Variants in APOL2 observed in about 807,000 individuals in gnomAD.
APOL2 encodes apolipoprotein L, 2.
In APOL2, 8 loss-of-function variants were observed where a neutral mutation model predicts 7.1. That is an observed-to-expected ratio of 1.12 (90% CI 0.66 to 2.03). The LOEUF (loss-of-function observed/expected upper bound fraction) is 2.03. APOL2 is among the 30% of genes most tolerant of loss of function. The pLI is 0.00. For synonymous variants in APOL2, 177 were observed against 159.9 expected, an observed-to-expected ratio of 1.11 and a Z score of -0.81; for missense variants, 471 against 415.1, an observed-to-expected ratio of 1.13 and a Z score of -1.17.
At chr22:36,237,235 C>T (rs769186523) in intron 1 of APOL2, 19 of 1,370,000 alleles carry the variant, frequency 1.4e-5, no homozygotes, top group Admixed American at 3.3e-5. Context: ...TGGTCAATTC[C>T]GGTGTCCAAC....
intron 1 of APOL2, chr22:36,237,489 G>T: frequency 1.4e-6 from 1 of 689,742 alleles, no homozygotes; most frequent in Non-Finnish European, 1.8e-6. Context: ...GCTTGCTGTA[G>T]CCTAGAGCCC....
At chr22:36,232,804 C>A (rs1004567001) in intron 3 of APOL2, among the ~76,000 whole-genome samples, 2 of 152,046 alleles carry the variant, frequency 1.3e-5, no homozygotes, top group African/African-American at 4.8e-5. Flanking sequence ...TGCAGGTCAA[C>A]CTCCTCTCCC....
intron 2 of APOL2, 31 bp downstream of exon 2, chr22:36,233,371 G>A: frequency 6.4e-7 from 1 of 1,557,520 alleles, no homozygotes; most frequent in Non-Finnish European, 8.7e-7. Context: ...ATCTCCTGGG[G>A]CCCTGCCAGC....
chr22:36,235,046 G>C (rs2015351718), intron 1 of APOL2, among the ~76,000 whole-genome samples: 1 of 152,236 alleles, frequency 6.6e-6, no homozygotes, highest in Non-Finnish European at 1.5e-5. Flanking sequence ...ACTGAATAAA[G>C]AGGGGTGAAG....
chr22:36,234,069 C>T (rs2015321712), intron 1 of APOL2, among the ~76,000 whole-genome samples: 1 of 152,192 alleles, frequency 6.6e-6, no homozygotes, highest in South Asian at 2.1e-4. Context: ...TGCTGTCCTC[C>T]CCTAGCTGAT....
intron 1 of APOL2, among the ~76,000 whole-genome samples, chr22:36,237,598 G>A (rs1304173535): frequency 1.4e-5 from 2 of 146,604 alleles, no homozygotes; most frequent in African/African-American, 5.4e-5. Context: ...TCATTTCAGA[G>A]AGACAGCATC....
At chr22:36,230,727 A>G (rs1280364891) in intron 4 of APOL2, among the ~76,000 whole-genome samples, 2 of 152,052 alleles carry the variant, frequency 1.3e-5, no homozygotes. Context: ...CCAAGTCTCC[A>G]TGACATAAGC....
At chr22:36,228,443 T>G (rs924840477) in intron 4 of APOL2, among the ~76,000 whole-genome samples, 163 bp from the exon 5 acceptor site, 2 of 152,244 alleles carry the variant, frequency 1.3e-5, no homozygotes. Context: ...CAAACACATT[T>G]TGTTCATCAT....
At chr22:36,236,967 G>T in intron 1 of APOL2, 1 of 1,361,430 alleles carries the variant, frequency 7.3e-7, no homozygotes, top group South Asian at 1.8e-5. Context: ...TAGGCCAGGG[G>T]AGCTGTCTCA....
At chr22:36,231,780 C>T (rs1318584961) in intron 3 of APOL2, among the ~76,000 whole-genome samples, 1 of 152,162 alleles carries the variant, frequency 6.6e-6, no homozygotes, top group Non-Finnish European at 1.5e-5. Context: ...AACAATAAGG[C>T]CAGGTAAGCA....
intron 4 of APOL2, among the ~76,000 whole-genome samples, chr22:36,230,832 C>T (rs1283460410): frequency 6.6e-6 from 1 of 152,130 alleles, no homozygotes; most frequent in Non-Finnish European, 1.5e-5. Flanking sequence ...AAGGCCCCAG[C>T]CAGCATCCCC....
chr22:36,227,497 AG>A lies in APOL2; in HGVS notation c.920del (p.Ala307ValfsTer4). On this transcript the variant is annotated frameshift_variant, in exon 5 of 5. Transcript: ENST00000358502. LOFTEE classifies it low-confidence loss of function (END_TRUNC). ...HLLEGAKSES[A>X]EELKKRAQEL... ...CCTGAGCCCGCTTCTTCAGCTCCTC[AG>A]CTGACTCTGACTTTGCCCCCTCAAG... 6.2e-7 allele frequency: 1 copy of A among 1,614,082 alleles called. No individual in the cohort carries two copies. The highest frequency in any genetic ancestry group is 8.5e-7 in the Non-Finnish European group (1 of 1,180,000).
chr22:36,231,465 C>T lies in APOL2; in HGVS notation c.12G>A (p.Glu4=). The change falls in exon 4 of 5, where the codon GAG becomes GAA. Residue 4 remains glutamate (E), a splice_region_variant and synonymous_variant. Transcript: ENST00000358502. MNP[E]SSIFIEDYLK... ...GGTAATCCTCAATAAAGATACTGCT[C>T]TCTAGTTGGAAAGAAGAAAGGATAA... 2 of 1,608,120 alleles carry T rather than the reference C, an allele frequency of 1.2e-6. No individual in the cohort carries two copies. The highest frequency in any genetic ancestry group is 1.1e-5 in the South Asian group (1 of 90,922).
intron 1 of APOL2, chr22:36,236,804 G>T: frequency 1.8e-6 from 2 of 1,117,164 alleles, no homozygotes; most frequent in Non-Finnish European, 2.2e-6. Flanking sequence ...GGGCCCCTAC[G>T]CAGCAAGACT....
At chr22:36,229,363 T>C (rs1388524006) in intron 4 of APOL2, among the ~76,000 whole-genome samples, 2 of 149,614 alleles carry the variant, frequency 1.3e-5, no homozygotes, top group African/African-American at 5.0e-5. Flanking sequence ...CTCCCTCCCC[T>C]GTAACAACAA....
At chr22:36,229,251 C>G (rs994141480) in intron 4 of APOL2, among the ~76,000 whole-genome samples, 42 of 152,310 alleles carry the variant, frequency 2.8e-4, no homozygotes, top group African/African-American at 8.2e-4. Context: ...AGGAACCCCC[C>G]ACTCTGGCGT....
intron 1 of APOL2, chr22:36,237,068 A>T: frequency 6.6e-7 from 1 of 1,524,322 alleles, no homozygotes; most frequent in Non-Finnish European, 8.8e-7. Flanking sequence ...GACCTGCCCA[A>T]TACTTGTGAG....
At chr22:36,232,383 T>C (rs563432482) in intron 3 of APOL2, among the ~76,000 whole-genome samples, 1 of 152,216 alleles carries the variant, frequency 6.6e-6, no homozygotes, top group South Asian at 2.1e-4. Flanking sequence ...GCAGGGCGGG[T>C]GCCCTAACAC....
At chr22:36,228,609 T>C (rs1335426960) in intron 4 of APOL2, among the ~76,000 whole-genome samples, 1 of 152,104 alleles carries the variant, frequency 6.6e-6, no homozygotes. Context: ...ACTCTGCAGA[T>C]GAACAAAGAG....
Sources: allele counts gnomAD v4.1 joint callset (sites outside exome capture counted in the v4.1 genomes callset), GRCh38; gene constraint gnomAD v4.1.1; transcripts MANE v1.5; gene names NCBI Gene and HGNC (gene_info 2026-07-23, HGNC 2026-07-21).